Variants in BCL9 observed in about 807,000 individuals in gnomAD.
BCL9 encodes the protein B-cell CLL/lymphoma 9 protein.
BCL9 carries 25 observed loss-of-function variants against 88.5 expected under a neutral mutation model. That is an observed-to-expected ratio of 0.28 (90% CI 0.21 to 0.39). The LOEUF is 0.39. Among genes scored for constraint, BCL9 ranks in the 10% least tolerant of loss-of-function variants. BCL9 has a pLI of 1.00. For missense variants in BCL9, 1,817 were observed against 1,877.8 expected (o/e 0.97, Z 0.60); for synonymous variants, 711 against 673.3 (o/e 1.06, Z -0.87).
chr1:147,560,763 A>G lies in BCL9; in HGVS notation c.-478+19089A>G, dbSNP rs587643422. On this transcript the variant is annotated intron_variant, in intron 1 of 9. Coordinates refer to ENST00000234739, the MANE Select transcript of BCL9 (RefSeq NM_004326.4). ...CTCATCTTTATAAAAATAAATACAT[A>G]CATAAATAATTTTTTTAAAGTAATA... 9.2e-5 allele frequency among the ~76,000 whole-genome samples: 14 copies of G among 152,278 alleles called. No individual in the cohort carries two copies. In the East Asian group the frequency reaches 9.6e-4, roughly 10 times the overall value.
At chr1:147,587,175 C>T (rs1553199331) in intron 1 of BCL9, among the ~76,000 whole-genome samples, 1 of 152,076 alleles carries the variant, frequency 6.6e-6, no homozygotes, top group Non-Finnish European at 1.5e-5. Flanking sequence ...CTTCCCCGCC[C>T]CCATAGCCGC....
intron 1 of BCL9, among the ~76,000 whole-genome samples, chr1:147,575,262 AGAAAGCTACTTCTGATCCCTAGAC>A (rs1466795033): frequency 6.6e-6 from 1 of 152,214 alleles, no homozygotes; most frequent in African/African-American, 2.4e-5. Flanking sequence ...TCACTCCTCT[AGAAAGCTACTTCTGATCCCTAGAC>A]CATGTTGGTT....
At chr1:147,574,617 A>C (rs1296713889) in intron 1 of BCL9, among the ~76,000 whole-genome samples, 1 of 152,220 alleles carries the variant, frequency 6.6e-6, no homozygotes, top group Non-Finnish European at 1.5e-5. Flanking sequence ...AGCAGTAATT[A>C]TCCCAACATG....
rs1553205638 is a variant in BCL9, at chr1:147,622,542, A to C, written c.3163+11A>C. On this transcript the variant is annotated intron_variant, in intron 9 of 9. Coordinates refer to ENST00000234739, the MANE Select transcript of BCL9 (RefSeq NM_004326.4). ...TGAATAATATGCCAGGTAAGAAATC[A>C]GAAAGGCAGGTTGTGGAGTGAGTGC... 6.2e-7 allele frequency: 1 copy of C among 1,613,954 alleles called. No homozygotes were observed. The highest frequency in any genetic ancestry group is 1.3e-5 in the African/African-American group (1 of 74,926).
chr1:147,563,777 A>C (rs1468364773), intron 1 of BCL9, among the ~76,000 whole-genome samples: 3 of 152,238 alleles, frequency 2.0e-5, no homozygotes, highest in African/African-American at 7.2e-5. Context: ...CAGCACTTTA[A>C]TAATGTAAAA....
At chr1:147,579,546 G>C (rs782457913) in intron 1 of BCL9, among the ~76,000 whole-genome samples, 16 of 152,172 alleles carry the variant, frequency 1.1e-4, no homozygotes, top group Non-Finnish European at 5.9e-5. Flanking sequence ...ACCCATGCTG[G>C]GAAATGCTAT....
chr1:147,590,578 G>A (rs981921850), intron 1 of BCL9, among the ~76,000 whole-genome samples: 1 of 149,048 alleles, frequency 6.7e-6, no homozygotes, highest in Non-Finnish European at 1.5e-5. Context: ...ATATGGAATT[G>A]GAGGATCTGT....
At chr1:147,560,505 G>A (rs782561919) in intron 1 of BCL9, among the ~76,000 whole-genome samples, 3 of 151,666 alleles carry the variant, frequency 2.0e-5, no homozygotes, top group Non-Finnish European at 4.4e-5. Context: ...GGGGTAGGGC[G>A]CCGAGGGTGG....
At chr1:147,587,074 A>C (rs1570864824) in intron 1 of BCL9, among the ~76,000 whole-genome samples, 5 of 147,678 alleles carry the variant, frequency 3.4e-5, no homozygotes, top group East Asian at 2.0e-4. Context: ...TCCCCACCCA[A>C]CCCCGTCTCT....
At chr1:147,566,736 G>A (rs782457260) in intron 1 of BCL9, among the ~76,000 whole-genome samples, 11 of 146,898 alleles carry the variant, frequency 7.5e-5, no homozygotes, top group Non-Finnish European at 1.3e-4. Context: ...AGCCCTGGGT[G>A]ACAGAGCGAG....
intron 1 of BCL9, among the ~76,000 whole-genome samples, chr1:147,551,598 C>A (rs1053288209): frequency 2.6e-5 from 4 of 152,318 alleles, no homozygotes; most frequent in Admixed American, 6.5e-5. Flanking sequence ...AGGGCTTCAT[C>A]CTCATGAATG....
In BCL9 at chr1:147,625,070, G is replaced by C. The variant is rs1479208421; in HGVS notation, c.*111G>C. The C allele has an allele frequency of 3.0e-5, 41 of 1,360,072 alleles. No homozygotes were observed. The highest frequency in any genetic ancestry group is 1.0e-4 in the Admixed American group (4 of 38,284). 84.3% of individuals were successfully genotyped at this position (1,360,072 alleles called of 1,614,324 possible). A position where few individuals can be genotyped will look rare whatever the true frequency, so the allele number is the denominator to read the frequency against. ...CTATTGGTCATGCAATAGGAGAACA[G>C]AGACCCGAGGGCTGCTTTGGGGGAG... On this transcript the variant is annotated 3_prime_UTR_variant, in exon 10 of 10. Transcript: ENST00000234739.
At chr1:147,564,020 T>C (rs935515469) in intron 1 of BCL9, among the ~76,000 whole-genome samples, 6 of 152,310 alleles carry the variant, frequency 3.9e-5, no homozygotes, top group Middle Eastern at 3.4e-3. Flanking sequence ...CTTTGCAGCA[T>C]TCTAGGAGGA....
At chr1:147,573,444 ACT>A (rs138726560) in intron 1 of BCL9, among the ~76,000 whole-genome samples, 9,729 of 152,046 alleles carry the variant, frequency 0.064, 410 homozygotes, top group East Asian at 0.22. Flanking sequence ...CAGGAGTGAA[ACT>A]CTGTCTCAAA....
Position 147,611,695 on chromosome 1 carries a change from G to T in BCL9, c.-142G>T. 1.4e-6 allele frequency: 1 copy of T among 709,210 alleles called. No individual in the cohort carries two copies. Among genetic ancestry groups the T allele is most frequent in the East Asian group, 2.6e-5 (1 of 38,516 alleles). 43.9% of individuals were successfully genotyped at this position (709,210 alleles called of 1,614,324 possible). A position where few individuals can be genotyped will look rare whatever the true frequency, so the allele number is the denominator to read the frequency against. On this transcript the variant is annotated 5_prime_UTR_variant, in exon 4 of 10. Transcript: ENST00000234739. ...GCAGAGAAAAACAAAGAGGAAAAAG[G>T]CATACAGGCAGCGAGCGCTAAGGGA... is the stretch of plus-strand genomic sequence containing the variant.
Position 147,619,245 on chromosome 1 carries a change from C to A in BCL9, c.1090C>A (p.Gln364Lys). The change falls in exon 8 of 10, where the codon CAA becomes AAA. Residue 364 changes from glutamine to lysine, a missense_variant. By Grantham distance (53) the Gln-to-Lys change is moderately conservative (BLOSUM62 1). Around this residue, in one of 2 missense-constraint regions of BCL9, gnomAD observed 1,228 missense variants for 1,191.6 expected, o/e 1.03. Transcript: ENST00000234739. This position sits in a 1 kb window ranked among gnomAD's most constrained non-coding sequence, Gnocchi z 4.1. ...EQLEHRERSL[Q>K]TLRDIQRMLF... ...GCTGGAGCACCGGGAGCGCTCCTTA[C>A]AAACTCTCAGAGATATCCAGCGCAT... The A allele has an allele frequency of 6.2e-7, 1 of 1,614,186 alleles. No individual in the cohort carries two copies. The highest frequency in any genetic ancestry group is 8.5e-7 in the Non-Finnish European group (1 of 1,180,054).
chr1:147,545,372 G>A (rs2101455944), intron 1 of BCL9, among the ~76,000 whole-genome samples: 1 of 152,288 alleles, frequency 6.6e-6, no homozygotes, highest in African/African-American at 2.4e-5. Context: ...GCTGCCTCTT[G>A]GGGAGGCAGT....
Position 147,619,811 on chromosome 1 carries a change from C to T in BCL9, c.1656C>T (p.His552=). 6.2e-7 allele frequency: 1 copy of T among 1,614,162 alleles called. No homozygotes were observed. Among genetic ancestry groups the T allele is most frequent in the Non-Finnish European group, 8.5e-7 (1 of 1,180,022 alleles). The change falls in exon 8 of 10, where the codon CAC becomes CAT. Residue 552 remains histidine (H), a synonymous_variant. Coordinates refer to ENST00000234739, the MANE Select transcript of BCL9 (RefSeq NM_004326.4). The surrounding 1 kb of genome is among the most constrained non-coding windows in gnomAD (Gnocchi z 4.1). The stretch of plus-strand genomic sequence containing the variant: ...TGCCCCCGAGGGGCATGGCTCCCCA[C>T]CCCAACATGCCAGGGAGCCAGATGC... The part of the protein sequence containing the change: ...HSLPPRGMAP[H]PNMPGSQMRL...
intron 1 of BCL9, among the ~76,000 whole-genome samples, chr1:147,561,192 T>C (rs782022612): frequency 5.9e-5 from 9 of 152,250 alleles, no homozygotes; most frequent in Non-Finnish European, 1.2e-4. Flanking sequence ...CTGAAACTTT[T>C]ATCTTTTTTT....
Sources: gnomAD v4.1 joint callset for allele counts (sites outside exome capture counted in the v4.1 genomes callset) on GRCh38, gnomAD v4.1.1 for gene constraint, gnomAD v4.1.1 regional missense constraint, Gnocchi (gnomAD v3.1) non-coding constraint, MANE v1.5 for transcripts, NCBI Gene and HGNC (gene_info 2026-07-23, HGNC 2026-07-21) for gene names.